The following CEP83 variants were observed in gnomAD, a reference collection of about 807,000 sequenced individuals.
CEP83 encodes the protein centrosomal protein 83.
CEP83 carries 70 observed loss-of-function variants against 101.9 expected under a neutral mutation model. The observed-to-expected ratio is 0.69, with a 90% confidence interval of 0.57 to 0.84. The LOEUF is 0.84. CEP83 is among the 40% of genes least tolerant of loss of function. The probability of loss-of-function intolerance (pLI) is 0.00; values close to 1 mark genes in which losing one functional copy is unlikely to be tolerated. For missense variants in CEP83, 715 were observed against 787.2 expected (o/e 0.91, Z 1.10); for synonymous variants, 264 against 267.9 (o/e 0.99, Z 0.14).
chr12:94,400,960 C>A lies in CEP83; in HGVS notation c.439G>T (p.Val147Leu). 7.0e-7 allele frequency: 1 copy of A among 1,428,852 alleles called. No homozygotes were observed. The highest frequency in any genetic ancestry group is 9.2e-7 in the Non-Finnish European group (1 of 1,085,374). The allele number at this position is 1,428,852 out of a possible 1,614,324, so 88.5% of individuals were successfully genotyped here. A position where few individuals can be genotyped will look rare whatever the true frequency, so the allele number is the denominator to read the frequency against. The change falls in exon 6 of 17, where the codon GTA becomes TTA. Residue 147 changes from valine (V) to leucine (L), a missense_variant. By Grantham distance (32) the Val-to-Leu change is conservative. Transcript: ENST00000397809. The part of the protein sequence containing the change: ...LDEEVEKYRA[V>L]YNKLRYEHTF... ...TGTTCATAGCGAAGCTTATTATATACAGCTCTATACTTTTCTACCTCCTAA... is the reference window on the plus strand; with the variant it reads ...TGTTCATAGCGAAGCTTATTATATAAAGCTCTATACTTTTCTACCTCCTAA...
At chr12:94,454,187 A>G (rs998620885) in intron 1 of CEP83, among the ~76,000 whole-genome samples, 1 of 152,184 alleles carries the variant, frequency 6.6e-6, no homozygotes, top group African/African-American at 2.4e-5. Context: ...AAAATGTTAT[A>G]AAGAACCATT....
intron 11 of CEP83, among the ~76,000 whole-genome samples, chr12:94,352,824 T>C (rs1215317641): frequency 6.6e-6 from 1 of 152,124 alleles, no homozygotes; most frequent in African/African-American, 2.4e-5. Context: ...ATAAAAGGGA[T>C]GAAGAAAGCC....
intron 11 of CEP83, among the ~76,000 whole-genome samples, chr12:94,350,606 T>TAAC (rs1392833389): frequency 6.6e-6 from 1 of 150,560 alleles, no homozygotes; most frequent in South Asian, 2.1e-4. Context: ...CATAGGGCAA[T>TAAC]AACAACAACA....
At chr12:94,374,233 C>T (rs1220354559) in intron 8 of CEP83, among the ~76,000 whole-genome samples, 1 of 152,038 alleles carries the variant, frequency 6.6e-6, no homozygotes, top group African/African-American at 2.4e-5. Context: ...CTAGGGAGCT[C>T]AGGTAAAATG....
chr12:94,267,477 A>G, the CEP83 span, among the ~76,000 whole-genome samples: 1 of 151,956 alleles, frequency 6.6e-6, no homozygotes, highest in South Asian at 2.1e-4. Context: ...TTTTTTCTTT[A>G]TAGCCCCTGG....
chr12:94,310,077 C>G lies in CEP83; in HGVS notation c.1842G>C (p.Arg614Ser). Residue 614 changes from arginine (R) to serine (S), a missense_variant, in exon 16 of 17, where the codon AGG becomes AGC. Coordinates refer to ENST00000397809, the MANE Select transcript of CEP83 (RefSeq NM_016122.3). Reference protein sequence around the residue: ...RQNVPFEDYTRLQKRLKDIQR... With the variant: ...RQNVPFEDYTSLQKRLKDIQR... ...GTATATCTTTTAGTCTTTTTTGAAG[C>G]CTTGTATAGTCTTCAAAAGGAACAT... 1 of 1,587,340 alleles carries G rather than the reference C, an allele frequency of 6.3e-7. No homozygotes were observed.
At chr12:94,286,506 A>G in the CEP83 span, among the ~76,000 whole-genome samples, 8 of 152,068 alleles carry the variant, frequency 5.3e-5, no homozygotes, top group Non-Finnish European at 1.2e-4. Context: ...GTTAAAGAAA[A>G]AATTTTCTCT....
chr12:94,355,813 G>A (rs190211484), intron 11 of CEP83, among the ~76,000 whole-genome samples: 11 of 152,346 alleles, frequency 7.2e-5, no homozygotes, highest in East Asian at 3.9e-4. Flanking sequence ...TCTTAAGGGC[G>A]TATTCCTGCT....
At chr12:94,394,816 T>A (rs1207657954) in intron 6 of CEP83, among the ~76,000 whole-genome samples, 1 of 152,178 alleles carries the variant, frequency 6.6e-6, no homozygotes, top group Non-Finnish European at 1.5e-5. Context: ...GCAAAGGATA[T>A]GAACAGACAC....
chr12:94,357,374 C>T (rs1021721222), intron 11 of CEP83, among the ~76,000 whole-genome samples: 6 of 152,026 alleles, frequency 3.9e-5, no homozygotes, highest in Non-Finnish European at 7.3e-5. Context: ...AAAAAATCAG[C>T]GAGTCAGGCC....
chr12:94,421,547 T>C (rs2064748837), intron 2 of CEP83, among the ~76,000 whole-genome samples: 1 of 152,196 alleles, frequency 6.6e-6, no homozygotes. Context: ...TTTATTCTAC[T>C]ATTTCTCCTT....
intron 2 of CEP83, chr12:94,423,817 C>T (rs1280398580): frequency 1.2e-6 from 2 of 1,613,522 alleles, no homozygotes; most frequent in African/African-American, 2.7e-5. Context: ...CTGTTGGCCG[C>T]TGCTCTCCTC....
At chr12:94,337,853 A>C (rs1488359733) in intron 11 of CEP83, among the ~76,000 whole-genome samples, 2 of 152,174 alleles carry the variant, frequency 1.3e-5, no homozygotes, top group Non-Finnish European at 2.9e-5. Context: ...GACATTTTCA[A>C]AATAGAAAGG....
At chr12:94,431,208 C>T (rs917138482) in intron 2 of CEP83, among the ~76,000 whole-genome samples, 4 of 152,102 alleles carry the variant, frequency 2.6e-5, no homozygotes, top group African/African-American at 9.7e-5. Context: ...ATGTCCCCTT[C>T]AATAAATGGT....
chr12:94,402,936 TAAAG>T (rs758351055), intron 5 of CEP83: 128 of 313,272 alleles, frequency 4.1e-4, no homozygotes, highest in Non-Finnish European at 6.5e-4. Flanking sequence ...AAAATAAAAA[TAAAG>T]AAACGCACCA....
intron 1 of CEP83, among the ~76,000 whole-genome samples, chr12:94,446,331 A>G (rs954520014): frequency 1.3e-5 from 2 of 152,162 alleles, no homozygotes; most frequent in African/African-American, 4.8e-5. Context: ...GAATTTAACT[A>G]TTGTTTTTAT....
At chr12:94,328,141 T>C (rs191595380) in intron 14 of CEP83, 1 of 190,322 alleles carries the variant, frequency 5.3e-6, no homozygotes, top group East Asian at 1.7e-4. Context: ...ACGTATACCT[T>C]AGAATAAAAT....
At chr12:94,459,269 T>C (rs1163654366) in intron 1 of CEP83, among the ~76,000 whole-genome samples, 1 of 152,208 alleles carries the variant, frequency 6.6e-6, no homozygotes, top group Non-Finnish European at 1.5e-5. Flanking sequence ...ATTCAAATTG[T>C]CTTCAAAGCC....
intron 11 of CEP83, among the ~76,000 whole-genome samples, chr12:94,363,214 G>A (rs1317582342): frequency 6.6e-6 from 1 of 152,174 alleles, no homozygotes; most frequent in African/African-American, 2.4e-5. Flanking sequence ...AAATGTTTGA[G>A]GTGATTGAAT....
Sources: gnomAD v4.1 joint callset for allele counts (sites outside exome capture counted in the v4.1 genomes callset) on GRCh38, gnomAD v4.1.1 for gene constraint, MANE v1.5 for transcripts, NCBI Gene and HGNC (gene_info 2026-07-23, HGNC 2026-07-21) for gene names.